The following FMNL2 variants were observed in gnomAD, a reference collection of about 807,000 sequenced individuals.
The protein encoded by FMNL2 is formin-like protein 2.
In FMNL2, 51 loss-of-function variants were observed where a neutral mutation model predicts 130.2. That is an observed-to-expected ratio of 0.39 (90% CI 0.31 to 0.49). The LOEUF (loss-of-function observed/expected upper bound fraction) is 0.49, where lower values mean the gene tolerates loss of function less well. Ranked by LOEUF, FMNL2 falls within the 20% of genes least tolerant of loss-of-function variation. FMNL2 has a pLI of 0.85. For synonymous variants in FMNL2, 465 were observed against 467.1 expected (o/e 1.00, Z 0.06); for missense variants, 977 against 1,316.2 (o/e 0.74, Z 3.99).
At chr2:152,352,137 C>T (rs981094522) in intron 1 of FMNL2, among the ~76,000 whole-genome samples, 2 of 152,048 alleles carry the variant, frequency 1.3e-5, no homozygotes, top group Non-Finnish European at 2.9e-5. Context: ...TTACACAATT[C>T]GATATCAGAA....
chr2:152,645,217 T>C (rs1208548000), intron 25 of FMNL2, among the ~76,000 whole-genome samples: 1 of 152,196 alleles, frequency 6.6e-6, no homozygotes, highest in Admixed American at 6.5e-5. Context: ...GAGCCAATCT[T>C]CAAAGCAGCT....
At chr2:152,603,770 G>A (rs530791626) in intron 9 of FMNL2, among the ~76,000 whole-genome samples, 1 of 151,076 alleles carries the variant, frequency 6.6e-6, no homozygotes, top group Admixed American at 6.6e-5. Flanking sequence ...TGCAGGGGCA[G>A]TGGGTCCATT....
chr2:152,392,675 C>T (rs934388348), intron 1 of FMNL2, among the ~76,000 whole-genome samples: 4 of 152,190 alleles, frequency 2.6e-5, no homozygotes, highest in African/African-American at 7.2e-5. Flanking sequence ...GGCTTAATCA[C>T]CTTTAAAGGC....
At chr2:152,509,777 C>T (rs1370323402) in intron 1 of FMNL2, among the ~76,000 whole-genome samples, 4 of 88,810 alleles carry the variant, frequency 4.5e-5, no homozygotes, top group African/African-American at 1.3e-4. Context: ...AGAGGGTCTT[C>T]CTCTGTTGCC....
chr2:152,539,887 C>A (rs942266308), intron 2 of FMNL2, among the ~76,000 whole-genome samples: 5 of 152,066 alleles, frequency 3.3e-5, no homozygotes, highest in Admixed American at 6.5e-5. Flanking sequence ...TAAAATTGAG[C>A]CCAGGAGTTC....
intron 1 of FMNL2, among the ~76,000 whole-genome samples, chr2:152,506,547 A>G (rs780082911): frequency 3.3e-5 from 5 of 152,138 alleles, no homozygotes; most frequent in Non-Finnish European, 7.3e-5. Flanking sequence ...AATATTTTTG[A>G]TCCATGGTTG....
intron 15 of FMNL2, among the ~76,000 whole-genome samples, chr2:152,619,992 T>C (rs1163809038): frequency 6.6e-6 from 1 of 151,890 alleles, no homozygotes; most frequent in Non-Finnish European, 1.5e-5. Flanking sequence ...ACCGAGAGAA[T>C]GGAAGAGAGA....
At chr2:152,589,342 C>T (rs772387614) in intron 9 of FMNL2, among the ~76,000 whole-genome samples, 3 of 151,630 alleles carry the variant, frequency 2.0e-5, no homozygotes, top group Non-Finnish European at 2.9e-5. Context: ...AAAAAAAACC[C>T]AGGGTGTTAG....
rs556356445 is a variant in FMNL2 at position 152,374,219 on chromosome 2, C to A, written c.117+38499C>A. Among the ~76,000 whole-genome samples the A allele has an allele frequency of 4.2e-4, 64 of 152,186 alleles. 1 individual carries two copies. Among genetic ancestry groups the A allele is most frequent in the Admixed American group, 4.2e-3 (64 of 15,284 alleles). On this transcript the variant is annotated intron_variant, in intron 1 of 25. Coordinates refer to ENST00000288670, the MANE Select transcript of FMNL2 (RefSeq NM_052905.4). ...GAGGCTGCAAAGGGGAATCCTTCAC[C>A]CTAAATTCCAAATTCCAAAGTGGAA...
chr2:152,554,530 T>C (rs1425709618), intron 4 of FMNL2, among the ~76,000 whole-genome samples: 1 of 151,920 alleles, frequency 6.6e-6, no homozygotes, highest in Non-Finnish European at 1.5e-5. Flanking sequence ...TAAAATCATG[T>C]TTCTCCACTG....
intron 15 of FMNL2, among the ~76,000 whole-genome samples, chr2:152,621,928 C>T (rs1156930516): frequency 1.3e-5 from 2 of 152,140 alleles, no homozygotes; most frequent in African/African-American, 4.8e-5. Flanking sequence ...ACAGGCAACA[C>T]GAGGGTCTTA....
At chr2:152,369,211 C>T (rs898654965) in intron 1 of FMNL2, among the ~76,000 whole-genome samples, 1 of 152,178 alleles carries the variant, frequency 6.6e-6, no homozygotes, top group African/African-American at 2.4e-5. Context: ...ATTCAGCATT[C>T]GCTGTATCAT....
At chr2:152,615,021 G>A in intron 12 of FMNL2, 21 bp downstream of exon 12, 2 of 1,601,628 alleles carry the variant, frequency 1.2e-6, no homozygotes, top group Middle Eastern at 1.7e-4. Context: ...CTCAGAAAAG[G>A]AAAAATTGCT....
intron 1 of FMNL2, among the ~76,000 whole-genome samples, chr2:152,505,668 C>T (rs1171853507): frequency 6.6e-6 from 1 of 152,160 alleles, no homozygotes; most frequent in Non-Finnish European, 1.5e-5. Context: ...ACTTCAGAGT[C>T]ACAGGACTGT....
intron 2 of FMNL2, among the ~76,000 whole-genome samples, chr2:152,537,501 T>C (rs1579910806): frequency 6.6e-6 from 1 of 152,178 alleles, no homozygotes; most frequent in East Asian, 1.9e-4. Flanking sequence ...CATCAGCAAA[T>C]GTTCTTTGGC....
At chr2:152,351,436 G>A (rs1239515832) in intron 1 of FMNL2, among the ~76,000 whole-genome samples, 1 of 152,140 alleles carries the variant, frequency 6.6e-6, no homozygotes, top group African/African-American at 2.4e-5. Flanking sequence ...CCACTTATGA[G>A]TGAGAACTTG....
chr2:152,614,251 A>C (rs1698828347), intron 11 of FMNL2, among the ~76,000 whole-genome samples: 2 of 152,190 alleles, frequency 1.3e-5, no homozygotes, highest in Admixed American at 6.5e-5. Context: ...TCCCAATTTC[A>C]TGTATATCAA....
intron 15 of FMNL2, 73 bp from the exon 16 acceptor site, chr2:152,625,365 C>T: frequency 6.5e-7 from 1 of 1,531,164 alleles, no homozygotes; most frequent in Non-Finnish European, 8.9e-7. Context: ...TCTGCAAGGA[C>T]TGTTGTCTGA....
intron 1 of FMNL2, among the ~76,000 whole-genome samples, chr2:152,461,960 A>G (rs562588730): frequency 6.6e-6 from 1 of 152,076 alleles, no homozygotes; most frequent in South Asian, 2.1e-4. Context: ...GTGATGTGCA[A>G]TCACTGCTCA....
Sources: allele counts gnomAD v4.1 joint callset (sites outside exome capture counted in the v4.1 genomes callset), GRCh38; gene constraint gnomAD v4.1.1; transcripts MANE v1.5; gene names NCBI Gene and HGNC (gene_info 2026-07-23, HGNC 2026-07-21).